FNDC3B: variants seen among roughly 807,000 people sequenced by gnomAD.
FNDC3B encodes fibronectin type III domain containing 3B.
Under a neutral mutation model 151.5 loss-of-function variants are expected in FNDC3B, and 12 were observed. The ratio of observed to expected loss-of-function variants is 0.08; its 90% confidence interval spans 0.05 to 0.13. The LOEUF (loss-of-function observed/expected upper bound fraction) is 0.13, where lower values mean the gene tolerates loss of function less well. Among genes scored for constraint, FNDC3B ranks in the 10% least tolerant of loss-of-function variants. The pLI, the probability that FNDC3B is intolerant of heterozygous loss-of-function variation, is 1.00. For synonymous variants in FNDC3B, 528 were observed against 549.0 expected, an observed-to-expected ratio of 0.96 and a Z score of 0.54; for missense variants, 1,214 against 1,505.3, an observed-to-expected ratio of 0.81 and a Z score of 3.20.
At chr3:172,263,113 C>A (rs1576851206) in intron 6 of FNDC3B, among the ~76,000 whole-genome samples, 1 of 148,264 alleles carries the variant, frequency 6.7e-6, no homozygotes, top group Admixed American at 6.7e-5. Context: ...ATATATATGG[C>A]ATTTCTGTGA....
At chr3:172,362,497 C>T in intron 22 of FNDC3B, 136 bp from the exon 23 acceptor site, 1 of 703,394 alleles carries the variant, frequency 1.4e-6, no homozygotes, top group South Asian at 1.9e-5. Context: ...TCTTGAGTTA[C>T]TTTAACTTGT....
At chr3:172,249,387 G>C (rs1175494607) in intron 5 of FNDC3B, among the ~76,000 whole-genome samples, 1 of 152,044 alleles carries the variant, frequency 6.6e-6, no homozygotes, top group African/African-American at 2.4e-5. Context: ...TTCATTTTAT[G>C]GTGTATTTGG....
intron 11 of FNDC3B, among the ~76,000 whole-genome samples, chr3:172,318,086 C>A (rs764476640): frequency 3.3e-5 from 5 of 152,182 alleles, no homozygotes; most frequent in Non-Finnish European, 5.9e-5. Flanking sequence ...CTTCCTTACT[C>A]ATGACTCAGC....
chr3:172,249,380 A>G (rs1299948288), intron 5 of FNDC3B, among the ~76,000 whole-genome samples: 1 of 152,174 alleles, frequency 6.6e-6, no homozygotes, highest in Admixed American at 6.5e-5. Flanking sequence ...TAGTCTCTTC[A>G]TTTTATGGTG....
intron 3 of FNDC3B, chr3:172,186,615 C>T (rs968538882): frequency 3.0e-6 from 2 of 663,980 alleles, no homozygotes; most frequent in Non-Finnish European, 5.4e-6. Context: ...AAATCCTATA[C>T]CAGCATTTTA....
chr3:172,091,873 G>GGGGTGT (rs1553760105), intron 1 of FNDC3B, among the ~76,000 whole-genome samples: 86 of 124,818 alleles, frequency 6.9e-4, no homozygotes, highest in African/African-American at 2.5e-3. Context: ...ACTTTACTGG[G>GGGGTGT]GTGTGTGTGT....
chr3:172,172,887 A>C (rs953527814), intron 3 of FNDC3B, among the ~76,000 whole-genome samples: 1 of 152,172 alleles, frequency 6.6e-6, no homozygotes, highest in Admixed American at 6.5e-5. Context: ...AGGAAAGTTT[A>C]GGAGTGAGTT....
At chr3:172,384,363 A>G (rs536055390) in intron 25 of FNDC3B, among the ~76,000 whole-genome samples, 2 of 152,342 alleles carry the variant, frequency 1.3e-5, no homozygotes, top group South Asian at 4.1e-4. Flanking sequence ...ATTCCATTTC[A>G]GAGTAAATAA....
chr3:172,316,653 A>G (rs4894543), intron 11 of FNDC3B, among the ~76,000 whole-genome samples: 73,819 of 152,064 alleles, frequency 0.49, 19,313 homozygotes, highest in African/African-American at 0.67. Context: ...TTTAATTTGA[A>G]CCATACAGAA....
intron 6 of FNDC3B, among the ~76,000 whole-genome samples, chr3:172,254,114 A>C (rs1450462499): frequency 2.0e-5 from 3 of 152,234 alleles, no homozygotes; most frequent in Admixed American, 2.0e-4. Context: ...CTTACAAAAA[A>C]CAAATCTTTA....
intron 3 of FNDC3B, among the ~76,000 whole-genome samples, chr3:172,179,253 G>GT (rs1723760055): frequency 6.6e-6 from 1 of 151,414 alleles, no homozygotes; most frequent in Non-Finnish European, 1.5e-5. Context: ...GTAGAGACGG[G>GT]TTTTCACCAT....
intron 3 of FNDC3B, among the ~76,000 whole-genome samples, chr3:172,225,220 C>T (rs1009473390): frequency 3.9e-5 from 6 of 152,194 alleles, no homozygotes; most frequent in African/African-American, 1.4e-4. Context: ...TGTGCGCAGG[C>T]TGGAGTATGG....
chr3:172,153,641 T>A (rs767129027), intron 3 of FNDC3B, among the ~76,000 whole-genome samples: 6 of 152,152 alleles, frequency 3.9e-5, no homozygotes, highest in Non-Finnish European at 8.8e-5. Flanking sequence ...ACACCTTTCT[T>A]ATAGGAAGGA....
intron 6 of FNDC3B, among the ~76,000 whole-genome samples, chr3:172,253,519 G>C (rs1245745119): frequency 1.3e-5 from 2 of 152,134 alleles, no homozygotes; most frequent in African/African-American, 4.8e-5. Flanking sequence ...TCTCCTGCTG[G>C]AGTTTACTGC....
intron 3 of FNDC3B, among the ~76,000 whole-genome samples, chr3:172,210,953 C>A (rs887848753): frequency 1.3e-5 from 2 of 152,148 alleles, no homozygotes; most frequent in African/African-American, 4.8e-5. Context: ...TTGCTGCTGA[C>A]ACATTTGCAA....
intron 23 of FNDC3B, among the ~76,000 whole-genome samples, chr3:172,371,417 G>C (rs1371030303): frequency 6.6e-6 from 1 of 152,160 alleles, no homozygotes; most frequent in African/African-American, 2.4e-5. Flanking sequence ...TGACTGTGCA[G>C]AATGTTTCTT....
chr3:172,302,608 G>A (rs1052031432), intron 9 of FNDC3B: 1 of 152,142 alleles, frequency 6.6e-6, no homozygotes, highest in African/African-American at 2.4e-5. Context: ...TGGTGATTGA[G>A]GAAGATAATA....
At chr3:172,073,248 G>A (rs1717864466) in intron 1 of FNDC3B, among the ~76,000 whole-genome samples, 1 of 152,208 alleles carries the variant, frequency 6.6e-6, no homozygotes, top group Admixed American at 6.5e-5. Context: ...TGAAAGGTTT[G>A]GAGAGAAGGT....
In FNDC3B at chr3:172,238,008, T is replaced by C. The variant is rs376988635; in HGVS notation, c.265-9525T>C. On this transcript the variant is annotated intron_variant, in intron 4 of 25. Transcript: ENST00000415807. The stretch of plus-strand genomic sequence containing the variant: ...GAAACCTAGAATGATAATGAAAGTT[T>C]GCAAATATCAAATATTATTTCATCA... Among the ~76,000 whole-genome samples, 53 of 152,326 alleles carry C rather than the reference T, an allele frequency of 3.5e-4. 1 individual carries two copies. Among genetic ancestry groups the C allele is most frequent in the African/African-American group, 1.3e-3 (52 of 41,576 alleles).
Sources: allele counts gnomAD v4.1 joint callset (sites outside exome capture counted in the v4.1 genomes callset), GRCh38; gene constraint gnomAD v4.1.1; transcripts MANE v1.5; gene names NCBI Gene and HGNC (gene_info 2026-07-23, HGNC 2026-07-21).